The following SND1 variants were observed in gnomAD, a reference collection of about 807,000 sequenced individuals.
SND1 encodes staphylococcal nuclease and tudor domain containing 1.
A neutral mutation model predicts 121.7 loss-of-function variants in SND1; 38 were observed. That is an observed-to-expected ratio of 0.31 (90% CI 0.24 to 0.41). The LOEUF is 0.41. Among genes scored for constraint, SND1 ranks in the 10% least tolerant of loss-of-function variants. The pLI is 1.00. For synonymous variants in SND1, 401 were observed against 447.4 expected (o/e 0.90, Z 1.31); for missense variants, 868 against 1,184.6 (o/e 0.73, Z 3.92).
intron 12 of SND1, among the ~76,000 whole-genome samples, chr7:127,850,568 C>G (rs2116659486): frequency 6.6e-6 from 1 of 152,300 alleles, no homozygotes; most frequent in Non-Finnish European, 1.5e-5. Context: ...ATGAAAAGAA[C>G]TGCTGAGCCC....
rs575797973 is a variant in SND1, at chr7:127,954,816, G to A, written c.1669+25487G>A. 2.6e-4 allele frequency among the ~76,000 whole-genome samples: 40 copies of A among 152,226 alleles called. No individual in the cohort carries two copies. In the South Asian group the frequency reaches 5.6e-3, roughly 21 times the overall value. ...GGCCTGGACCTAAAGACAAAGAGCA[G>A]GTGATGGGAGGTGGATAAAGCACAG... On this transcript the variant is annotated intron_variant, in intron 15 of 23. Transcript: ENST00000354725.
chr7:127,729,021 G>A (rs1350502929), intron 10 of SND1, among the ~76,000 whole-genome samples: 1 of 151,932 alleles, frequency 6.6e-6, no homozygotes, highest in Non-Finnish European at 1.5e-5. Flanking sequence ...TCTAGTTGCT[G>A]CCATTGGGTT....
At position 127,955,505 on chromosome 7, in the gene SND1, G is replaced by T. The variant is rs78157432; in HGVS notation, c.1669+26176G>T. 9.1e-3 allele frequency among the ~76,000 whole-genome samples: 1,379 copies of T among 152,150 alleles called. 18 individuals are homozygous for T. The highest frequency in any genetic ancestry group is 0.03 in the African/African-American group (1,262 of 41,502). On this transcript the variant is annotated intron_variant, in intron 15 of 23. Coordinates refer to ENST00000354725, the MANE Select transcript of SND1 (RefSeq NM_014390.4). ...CTCTCCCCCTAGCCAGTGGAGTTGT[G>T]GGGGGGTGGTGGCACGTGGTTATGC...
chr7:128,037,332 T>C (rs1476664438), intron 16 of SND1, among the ~76,000 whole-genome samples: 1 of 152,168 alleles, frequency 6.6e-6, no homozygotes, highest in Non-Finnish European at 1.5e-5. Flanking sequence ...GCCTTCTCCT[T>C]TTCTGTCTGC....
Position 128,008,464 on chromosome 7 carries a change from CT to C in SND1, c.1779+17423del, listed in dbSNP as rs780986426. Among the ~76,000 whole-genome samples the C allele has an allele frequency of 5.1e-3, 696 of 135,904 alleles. 1 individual carries two copies. The highest frequency in any genetic ancestry group is 0.011 in the East Asian group (53 of 4,752). 89.2% of individuals were successfully genotyped at this position (135,904 alleles called of 152,430 possible). A position where few individuals can be genotyped will look rare whatever the true frequency, so the allele number is the denominator to read the frequency against. On this transcript the variant is annotated intron_variant, in intron 16 of 23. Transcript: ENST00000354725. Reference sequence around the variant, plus strand: ...TTACAGGTTGGGGGCTTTTTCTTTCCTTTTTTTTTTTTTTTGGAGGGGGGTT... The same window carrying C: ...TTACAGGTTGGGGGCTTTTTCTTTCCTTTTTTTTTTTTTTGGAGGGGGGTT...
chr7:127,815,934 C>T (rs1360773283), intron 11 of SND1, among the ~76,000 whole-genome samples: 2 of 152,098 alleles, frequency 1.3e-5, no homozygotes, highest in African/African-American at 4.8e-5. Flanking sequence ...CGATTTCATG[C>T]CTGTTTTGTC....
chr7:127,737,295 C>G (rs1796794646), intron 10 of SND1, among the ~76,000 whole-genome samples: 1 of 152,150 alleles, frequency 6.6e-6, no homozygotes, highest in Non-Finnish European at 1.5e-5. Context: ...GGTATGGTGG[C>G]AGGGCATGGT....
intron 10 of SND1, 83 bp from the exon 11 acceptor site, chr7:127,807,401 A>T: frequency 9.5e-7 from 1 of 1,051,914 alleles, no homozygotes; most frequent in South Asian, 1.4e-5. Flanking sequence ...AACCAATTTC[A>T]GACACATTCC....
intron 1 of SND1, among the ~76,000 whole-genome samples, chr7:127,668,548 AT>A (rs1386893367): frequency 1.3e-5 from 2 of 152,164 alleles, no homozygotes; most frequent in Admixed American, 1.3e-4. Context: ...AAAAATAAGT[AT>A]TTTTTTGGAA....
chr7:127,744,203 T>G (rs893128700), intron 10 of SND1, among the ~76,000 whole-genome samples: 4 of 152,168 alleles, frequency 2.6e-5, no homozygotes, highest in African/African-American at 9.7e-5. Flanking sequence ...TAATAGATAT[T>G]GAAGGTGTGC....
intron 15 of SND1, among the ~76,000 whole-genome samples, chr7:127,977,695 G>T (rs370318307): frequency 9.9e-5 from 15 of 152,242 alleles, no homozygotes; most frequent in African/African-American, 3.6e-4. Flanking sequence ...GGGAAAAATC[G>T]AGGGCAGGCA....
intron 15 of SND1, among the ~76,000 whole-genome samples, chr7:127,964,724 A>T (rs1196264899): frequency 1.4e-5 from 2 of 147,860 alleles, no homozygotes; most frequent in East Asian, 3.9e-4. Flanking sequence ...CTTAGGATTG[A>T]CTTGGCTATG....
intron 10 of SND1, among the ~76,000 whole-genome samples, chr7:127,738,106 G>A (rs879610693): frequency 2.6e-5 from 4 of 152,126 alleles, no homozygotes; most frequent in Admixed American, 2.0e-4. Flanking sequence ...ATCCTCTAGA[G>A]TGTTCACATG....
intron 12 of SND1, among the ~76,000 whole-genome samples, chr7:127,879,268 G>A (rs948983083): frequency 4.6e-5 from 7 of 152,226 alleles, no homozygotes; most frequent in African/African-American, 1.7e-4. Context: ...GAAATGGTCA[G>A]GTTCCTGCTT....
At chr7:128,025,743 G>T (rs142156897) in intron 16 of SND1, among the ~76,000 whole-genome samples, 1 of 152,146 alleles carries the variant, frequency 6.6e-6, no homozygotes, top group African/African-American at 2.4e-5. Flanking sequence ...CAGGCCTACT[G>T]GGGTAAGGAA....
intron 15 of SND1, among the ~76,000 whole-genome samples, chr7:127,933,546 G>C (rs1265784250): frequency 6.6e-6 from 1 of 152,166 alleles, no homozygotes; most frequent in African/African-American, 2.4e-5. Context: ...CTTTAACAAG[G>C]TTATTTACCC....
chr7:127,815,255 T>C (rs541588551), intron 11 of SND1, among the ~76,000 whole-genome samples: 2 of 152,244 alleles, frequency 1.3e-5, no homozygotes, highest in Admixed American at 1.3e-4. Context: ...TCTTTGCAGA[T>C]GTAATTAGTT....
chr7:127,984,361 T>C (rs531450559), intron 15 of SND1, among the ~76,000 whole-genome samples: 1 of 152,364 alleles, frequency 6.6e-6, no homozygotes, highest in South Asian at 2.1e-4. Flanking sequence ...AGCTATGCTA[T>C]ACTTTGTTTA....
At chr7:127,852,030 C>T (rs960997076) in intron 12 of SND1, among the ~76,000 whole-genome samples, 3 of 151,906 alleles carry the variant, frequency 2.0e-5, no homozygotes, top group Admixed American at 2.0e-4. Context: ...TGTAGTGATG[C>T]ATGTCTGTTA....
Sources: allele counts gnomAD v4.1 joint callset (sites outside exome capture counted in the v4.1 genomes callset), GRCh38; gene constraint gnomAD v4.1.1; transcripts MANE v1.5; gene names NCBI Gene and HGNC (gene_info 2026-07-23, HGNC 2026-07-21).